POLR3H: variants seen among roughly 807,000 people sequenced by gnomAD.
The protein encoded by POLR3H is RNA polymerase III subunit H, also known as DNA-directed RNA polymerase III subunit RPC8.
A neutral mutation model predicts 25.5 loss-of-function variants in POLR3H; 17 were observed. The observed-to-expected ratio is 0.67, with a 90% CI of 0.46 to 1.00. The LOEUF (loss-of-function observed/expected upper bound fraction) is 1.00. POLR3H is among the 50% of genes least tolerant of loss of function. POLR3H has a pLI of 0.00. For missense variants in POLR3H, 274 were observed against 265.0 expected (o/e 1.03, Z -0.24); for synonymous variants, 129 against 103.0 (o/e 1.25, Z -1.53).
rs562169303 is a variant in POLR3H, at chr22:41,528,967, C to T, written c.*316G>A. 5.7e-6 allele frequency: 3 copies of T among 522,228 alleles called. No homozygotes were observed. Among genetic ancestry groups the T allele is most frequent in the East Asian group, 3.3e-5 (1 of 30,684 alleles). The allele number at this position is 522,228 out of a possible 1,614,324, so 32.3% of individuals were successfully genotyped here. A position where few individuals can be genotyped will look rare whatever the true frequency, so the allele number is the denominator to read the frequency against. ...TGTTCTTGCAAGGAAAACAAGAATC[C>T]AAAACCAGTGACTGTTCTGTGAGTG... is the stretch of plus-strand genomic sequence containing the variant. On this transcript the variant is annotated 3_prime_UTR_variant, in exon 6 of 6. Coordinates refer to ENST00000355209, the MANE Select transcript of POLR3H (RefSeq NM_001018050.4).
chr22:41,540,582 A>T (rs763836949), intron 2 of POLR3H, 117 bp downstream of exon 2: 5 of 792,198 alleles, frequency 6.3e-6, no homozygotes, highest in Middle Eastern at 4.8e-4. Flanking sequence ...GGCTCAAGAG[A>T]TCCTTCCGCC....
At chr22:41,534,666 C>T (rs1011759657) in intron 2 of POLR3H, among the ~76,000 whole-genome samples, 23 of 151,800 alleles carry the variant, frequency 1.5e-4, no homozygotes, top group Admixed American at 7.9e-4. Flanking sequence ...TCGAGGCGGG[C>T]GGATCACCTG....
At position 41,530,884 on chromosome 22, in the gene POLR3H, C is replaced by G; in HGVS notation, c.364G>C (p.Glu122Gln). Residue 122 changes from glutamate (E) to glutamine (Q), a missense_variant, in exon 5 of 6, where the codon GAA becomes CAA. Physicochemically the swap from Glu to Gln is conservative, Grantham distance 29 (BLOSUM62 2). Transcript: ENST00000355209. Reference sequence around the variant, plus strand: ...TCCCACACCCACACCTGCTCCGCTTCGTCGCTGAGGGGGTCCAGGGTCAAG... The same window carrying G: ...TCCCACACCCACACCTGCTCCGCTTGGTCGCTGAGGGGGTCCAGGGTCAAG... Reference protein sequence around the residue: ...ESLQQPAKFDEAEQVWVWEYE... With the variant: ...ESLQQPAKFDQAEQVWVWEYE... 2 of 1,613,738 alleles carry G rather than the reference C, an allele frequency of 1.2e-6. No individual in the cohort carries two copies. Among genetic ancestry groups the G allele is most frequent in the Non-Finnish European group, 1.7e-6 (2 of 1,180,016 alleles).
In POLR3H at chr22:41,528,278, G is replaced by A. The variant is rs868418690; in HGVS notation, c.*1005C>T. ...GCACTCAGGGGACAGCCCACCCACT[G>A]CAGGACCCTCTGGGCCCCAGGAATC... On this transcript the variant is annotated 3_prime_UTR_variant, in exon 6 of 6. Coordinates refer to ENST00000355209, the MANE Select transcript of POLR3H (RefSeq NM_001018050.4). The A allele has an allele frequency of 1.1e-6, 1 of 870,662 alleles. No individual in the cohort carries two copies. The highest frequency in any genetic ancestry group is 1.7e-6 in the Non-Finnish European group (1 of 582,128). The allele number at this position is 870,662 out of a possible 1,614,324, so 53.9% of individuals were successfully genotyped here. A position where few individuals can be genotyped will look rare whatever the true frequency, so the allele number is the denominator to read the frequency against.
At chr22:41,537,617 G>T (rs565215359) in intron 2 of POLR3H, among the ~76,000 whole-genome samples, 1 of 152,136 alleles carries the variant, frequency 6.6e-6, no homozygotes, top group Non-Finnish European at 1.5e-5. Context: ...AACCAAGGCC[G>T]AGAGAAGCAG....
chr22:41,528,169 G>C lies in POLR3H; in HGVS notation c.*1114C>G, dbSNP rs748386529. The C allele has an allele frequency of 7.8e-7, 1 of 1,282,592 alleles. No individual in the cohort carries two copies. Among genetic ancestry groups the C allele is most frequent in the Non-Finnish European group, 1.1e-6 (1 of 934,920 alleles). 79.5% of individuals were successfully genotyped at this position (1,282,592 alleles called of 1,614,324 possible). On this transcript the variant is annotated 3_prime_UTR_variant, in exon 6 of 6. Transcript: ENST00000355209. ...TTCTCCAGGTGGCCCCACAGAGAAA[G>C]CAAAGTGGCTTCTCAGAGTTGGGGG...
At chr22:41,543,272 G>A (rs1025651470) in intron 1 of POLR3H, among the ~76,000 whole-genome samples, 2 of 152,138 alleles carry the variant, frequency 1.3e-5, no homozygotes, top group African/African-American at 4.8e-5. Context: ...TTGGCTGCTG[G>A]AATGAAGGGA....
At chr22:41,532,808 C>A in intron 2 of POLR3H, 63 bp from the exon 3 acceptor site, 1 of 1,569,054 alleles carries the variant, frequency 6.4e-7, no homozygotes, top group South Asian at 1.2e-5. Context: ...CCATGTCACC[C>A]TCAGGTGCCA....
At chr22:41,542,819 A>G (rs2066948680) in intron 1 of POLR3H, among the ~76,000 whole-genome samples, 1 of 152,134 alleles carries the variant, frequency 6.6e-6, no homozygotes, top group African/African-American at 2.4e-5. Flanking sequence ...CCTGGCCAAC[A>G]TGGTGAAACC....
At position 41,530,967 on chromosome 22, in the gene POLR3H, A is replaced by G. The variant is rs112108461; in HGVS notation, c.360-79T>C. 1.3e-3 allele frequency: 1,823 copies of G among 1,386,834 alleles called. 20 individuals carry two copies. In the African/African-American group the frequency reaches 0.023, roughly 17 times the overall value. 85.9% of individuals were successfully genotyped at this position (1,386,834 alleles called of 1,614,324 possible). On this transcript the variant is annotated intron_variant, in intron 4 of 5. Coordinates refer to ENST00000355209, the MANE Select transcript of POLR3H (RefSeq NM_001018050.4). ...AGCACCCACTCCCCGACCCCGCAGG[A>G]AAAACCAATCTCAGGGTGAGATCAC... is the stretch of plus-strand genomic sequence containing the variant.
In POLR3H at chr22:41,527,997, G is replaced by C; in HGVS notation, c.*1286C>G. ...CCTGTGGACAAGCTGACCATTCAGG[G>C]CCTGAAGGACTTCACCCCTGGCAAG... On this transcript the variant is annotated 3_prime_UTR_variant, in exon 6 of 6. Transcript: ENST00000355209. The C allele has an allele frequency of 6.2e-7, 1 of 1,614,176 alleles. No individual in the cohort carries two copies. Among genetic ancestry groups the C allele is most frequent in the South Asian group, 1.1e-5 (1 of 91,088 alleles).
In POLR3H at chr22:41,540,733, A is replaced by T; in HGVS notation, c.174T>A (p.Tyr58Ter). Residue 58 changes from tyrosine (Y) to a stop codon, truncating the protein, a stop_gained, in exon 2 of 6, where the codon TAT becomes TAA. Transcript: ENST00000355209. LOFTEE classifies it high-confidence loss of function. ...GTGATGCGCCATCCCCAGGGAATAC[A>T]TAGGCATCCTCCAGTTTGGTGATAT... is the stretch of plus-strand genomic sequence containing the variant. The part of the protein sequence containing the change: ...LFDITKLEDA[Y>*]VFPGDGASHT... The T allele has an allele frequency of 6.2e-7, 1 of 1,614,156 alleles. No homozygotes were observed. Among genetic ancestry groups the T allele is most frequent in the Non-Finnish European group, 8.5e-7 (1 of 1,179,988 alleles).
At chr22:41,532,561 T>G (rs764539327) in intron 3 of POLR3H, 98 bp downstream of exon 3, 1 of 1,597,220 alleles carries the variant, frequency 6.3e-7, no homozygotes, top group South Asian at 1.1e-5. Flanking sequence ...AGGTTCGGCC[T>G]CGACACCTGA....
intron 1 of POLR3H, among the ~76,000 whole-genome samples, chr22:41,542,866 G>T (rs1185488885): frequency 2.0e-5 from 3 of 152,102 alleles, no homozygotes; most frequent in African/African-American, 4.8e-5. Context: ...AGCCAGGTGT[G>T]GTGGCAGGTG....
chr22:41,542,447 C>T (rs1298475948), intron 1 of POLR3H, among the ~76,000 whole-genome samples: 1 of 152,090 alleles, frequency 6.6e-6, no homozygotes, highest in African/African-American at 2.4e-5. Flanking sequence ...CTTCTCTCCA[C>T]CCAGCCCCCT....
chr22:41,528,629 G>A lies in POLR3H; in HGVS notation c.*654C>T, dbSNP rs759770166. On this transcript the variant is annotated 3_prime_UTR_variant, in exon 6 of 6. Transcript: ENST00000355209. The stretch of plus-strand genomic sequence containing the variant: ...GCAACAGTGAGGGCAGTGCCTCCCC[G>A]CCCCGCCGCTGGCGTCAAGTTCAGC... The A allele has an allele frequency of 2.7e-5, 42 of 1,552,368 alleles. No individual in the cohort carries two copies. The highest frequency in any genetic ancestry group is 3.2e-5 in the Non-Finnish European group (37 of 1,152,452).
rs866372273 is a variant in POLR3H at position 41,526,196 on chromosome 22, G to C, written c.*3087C>G. 6.7e-7 allele frequency: 1 copy of C among 1,488,710 alleles called. No individual in the cohort carries two copies. 92.2% of individuals were successfully genotyped at this position (1,488,710 alleles called of 1,614,324 possible). On this transcript the variant is annotated 3_prime_UTR_variant, in exon 6 of 6. Coordinates refer to ENST00000355209, the MANE Select transcript of POLR3H (RefSeq NM_001018050.4). ...CCCCGGGGCCTGCTGCCTGCCTCTG[G>C]AGGGCTTGTCATCCACCCCTCCAGG...
At position 41,527,681 on chromosome 22, in the gene POLR3H, TG is replaced by T; in HGVS notation, c.*1601del. ...TGTGCCAGGGGGTTCTTTCTGATCA[TG>T]AATGTGCAGCAGGAAGGCCTCGCAG... On this transcript the variant is annotated 3_prime_UTR_variant, in exon 6 of 6. Coordinates refer to ENST00000355209, the MANE Select transcript of POLR3H (RefSeq NM_001018050.4). 1.2e-6 allele frequency: 1 copy of T among 802,022 alleles called. No homozygotes were observed. Among genetic ancestry groups the T allele is most frequent in the South Asian group, 1.8e-5 (1 of 55,028 alleles). 49.7% of individuals were successfully genotyped at this position (802,022 alleles called of 1,614,324 possible).
At position 41,526,073 on chromosome 22, in the gene POLR3H, G is replaced by T; in HGVS notation, c.*3210C>A. 2 of 571,678 alleles carry T rather than the reference G, an allele frequency of 3.5e-6. No individual in the cohort carries two copies. The highest frequency in any genetic ancestry group is 4.7e-5 in the South Asian group (2 of 42,920). 35.4% of individuals were successfully genotyped at this position (571,678 alleles called of 1,614,324 possible). A position where few individuals can be genotyped will look rare whatever the true frequency, so the allele number is the denominator to read the frequency against. On this transcript the variant is annotated 3_prime_UTR_variant, in exon 6 of 6. Coordinates refer to ENST00000355209, the MANE Select transcript of POLR3H (RefSeq NM_001018050.4). The stretch of plus-strand genomic sequence containing the variant: ...GAGGCCTTTGAGGGGATGAAGGCCT[G>T]GCCTGAGCCCATGTGGCCTTAGGGT...
Sources: gnomAD v4.1 joint callset for allele counts (sites outside exome capture counted in the v4.1 genomes callset) on GRCh38, gnomAD v4.1.1 for gene constraint, MANE v1.5 for transcripts, NCBI Gene and HGNC (gene_info 2026-07-23, HGNC 2026-07-21) for gene names.